Variants in RBMS3 observed in about 807,000 individuals in gnomAD.
The protein encoded by RBMS3 is RNA-binding motif, single-stranded-interacting protein 3.
In RBMS3, 27 loss-of-function variants were observed where a neutral mutation model predicts 66.8. The observed-to-expected ratio is 0.40, with a 90% confidence interval of 0.30 to 0.56. The LOEUF is 0.56. RBMS3 is among the 20% of genes least tolerant of loss of function. The pLI is 0.40. For synonymous variants in RBMS3, 188 were observed against 183.0 expected (o/e 1.03, Z -0.22); for missense variants, 513 against 549.5 (o/e 0.93, Z 0.66).
intron 2 of RBMS3, among the ~76,000 whole-genome samples, chr3:29,442,501 ATTGAC>A (rs2041664518): frequency 6.6e-6 from 1 of 152,166 alleles, no homozygotes; most frequent in African/African-American, 2.4e-5. Flanking sequence ...GAGAGGACCA[ATTGAC>A]TTAGTTTACG....
intron 3 of RBMS3, among the ~76,000 whole-genome samples, chr3:29,490,483 T>C (rs1251914326): frequency 5.9e-5 from 9 of 152,132 alleles, no homozygotes; most frequent in Non-Finnish European, 1.3e-4. Flanking sequence ...TTGGGAAAGA[T>C]GCCTGTGCCT....
intron 12 of RBMS3, among the ~76,000 whole-genome samples, chr3:29,962,996 G>A (rs891605391): frequency 8.1e-5 from 12 of 147,674 alleles, no homozygotes; most frequent in Non-Finnish European, 1.5e-4. Flanking sequence ...TTCCAGTTCT[G>A]TATCCCCTGT....
chr3:29,964,335 A>G (rs1696684120), intron 12 of RBMS3, among the ~76,000 whole-genome samples: 1 of 152,322 alleles, frequency 6.6e-6, no homozygotes, highest in South Asian at 2.1e-4. Context: ...AACGTTTATT[A>G]ACACTGGAAA....
At chr3:29,521,741 C>T (rs777789461) in intron 3 of RBMS3, among the ~76,000 whole-genome samples, 3 of 152,212 alleles carry the variant, frequency 2.0e-5, no homozygotes, top group Non-Finnish European at 4.4e-5. Context: ...TCATTATCTT[C>T]ATTTTTCAGT....
intron 3 of RBMS3, among the ~76,000 whole-genome samples, chr3:29,571,559 C>A (rs1425561904): frequency 6.6e-5 from 10 of 151,998 alleles, no homozygotes; most frequent in Admixed American, 2.0e-4. Context: ...GGCTTTGGCA[C>A]CTTTGTGAAA....
At chr3:29,888,483 A>G (rs2059924860) in intron 8 of RBMS3, among the ~76,000 whole-genome samples, 1 of 151,460 alleles carries the variant, frequency 6.6e-6, no homozygotes, top group Non-Finnish European at 1.5e-5. Context: ...CACTTTTACT[A>G]ATCTTACTCT....
chr3:29,613,063 C>T (rs1222217145), intron 4 of RBMS3, among the ~76,000 whole-genome samples: 5 of 152,116 alleles, frequency 3.3e-5, no homozygotes, highest in African/African-American at 7.2e-5. Flanking sequence ...GCTCCATGCT[C>T]AGTAGGGTCC....
chr3:29,941,210 T>C (rs1380676633), intron 11 of RBMS3, among the ~76,000 whole-genome samples: 2 of 151,884 alleles, frequency 1.3e-5, no homozygotes, highest in Admixed American at 6.6e-5. Flanking sequence ...CTTGTAATTG[T>C]ACTCCATTTG....
chr3:29,572,855 A>T (rs1388716290), intron 3 of RBMS3, among the ~76,000 whole-genome samples: 1 of 152,122 alleles, frequency 6.6e-6, no homozygotes, highest in African/African-American at 2.4e-5. Context: ...AATTCTTCTT[A>T]AGTGTTTGAT....
intron 11 of RBMS3, among the ~76,000 whole-genome samples, chr3:29,937,350 G>A (rs952605882): frequency 6.6e-6 from 1 of 151,974 alleles, no homozygotes; most frequent in African/African-American, 2.4e-5. Flanking sequence ...AAATATCTAT[G>A]TACAATATGC....
At chr3:29,870,250 A>G (rs977789498) in intron 7 of RBMS3, among the ~76,000 whole-genome samples, 10 of 152,110 alleles carry the variant, frequency 6.6e-5, no homozygotes, top group African/African-American at 2.2e-4. Flanking sequence ...AGATAACCCT[A>G]TTGGCCTCAG....
chr3:29,686,385 A>G (rs2051735136), intron 4 of RBMS3, among the ~76,000 whole-genome samples: 2 of 152,176 alleles, frequency 1.3e-5, no homozygotes, highest in Non-Finnish European at 2.9e-5. Context: ...CAGTTCTGAT[A>G]TTTTAAACAA....
intron 3 of RBMS3, 152 bp from the exon 4 acceptor site, chr3:29,586,962 T>C: frequency 1.8e-6 from 1 of 560,340 alleles, no homozygotes; most frequent in Non-Finnish European, 3.1e-6. Context: ...TCCCAAAGCA[T>C]TAAGGACCAC....
At chr3:29,507,431 G>A (rs140979826) in intron 3 of RBMS3, among the ~76,000 whole-genome samples, 113 of 152,060 alleles carry the variant, frequency 7.4e-4, no homozygotes, top group African/African-American at 2.6e-3. Context: ...TTATAATTAT[G>A]TAAAGGAAAA....
intron 1 of RBMS3, among the ~76,000 whole-genome samples, chr3:29,356,443 T>C (rs185263424): frequency 2.6e-5 from 4 of 152,306 alleles, no homozygotes; most frequent in Admixed American, 2.6e-4. Context: ...CAAAGAACCC[T>C]GTGAATAAAT....
chr3:29,941,201 T>C (rs1037470637), intron 11 of RBMS3, among the ~76,000 whole-genome samples: 8 of 151,850 alleles, frequency 5.3e-5, no homozygotes, highest in Admixed American at 4.6e-4. Flanking sequence ...AAAAATAACC[T>C]TGTAATTGTA....
intron 1 of RBMS3, among the ~76,000 whole-genome samples, chr3:29,400,321 A>G (rs1330914237): frequency 6.6e-6 from 1 of 152,082 alleles, no homozygotes. Flanking sequence ...GGCCAGGCAC[A>G]AAAGGACAAT....
intron 12 of RBMS3, among the ~76,000 whole-genome samples, chr3:29,964,920 C>A (rs1462798110): frequency 6.6e-6 from 1 of 152,062 alleles, no homozygotes; most frequent in Admixed American, 6.6e-5. Flanking sequence ...CATTCTTATG[C>A]CTTTTTGTCC....
At chr3:29,992,007 T>C (rs1286290116) in intron 14 of RBMS3, among the ~76,000 whole-genome samples, 1 of 152,048 alleles carries the variant, frequency 6.6e-6, no homozygotes, top group East Asian at 1.9e-4. Context: ...TTGGCAAACT[T>C]TGGTAAAGTT....
Sources: gnomAD v4.1 joint callset for allele counts (sites outside exome capture counted in the v4.1 genomes callset) on GRCh38, gnomAD v4.1.1 for gene constraint, MANE v1.5 for transcripts, NCBI Gene and HGNC (gene_info 2026-07-23, HGNC 2026-07-21) for gene names.